The following CAMTA1 variants were observed in gnomAD, a reference collection of about 807,000 sequenced individuals.
The protein encoded by CAMTA1 is calmodulin binding transcription activator 1.
In CAMTA1, 27 loss-of-function variants were observed where a neutral mutation model predicts 170.9. That is an observed-to-expected ratio of 0.16 (90% confidence interval 0.12 to 0.22). CAMTA1 has a LOEUF of 0.22. CAMTA1 is among the 10% of genes least tolerant of loss of function. The pLI is 1.00. For synonymous variants in CAMTA1, 833 were observed against 891.5 expected, an observed-to-expected ratio of 0.93 and a Z score of 1.17; for missense variants, 1,619 against 2,217.2, an observed-to-expected ratio of 0.73 and a Z score of 5.42.
At chr1:7,002,984 A>G (rs1348215001) in intron 3 of CAMTA1, among the ~76,000 whole-genome samples, 5 of 151,896 alleles carry the variant, frequency 3.3e-5, no homozygotes, top group African/African-American at 4.9e-5. Context: ...GGTAAAGAGC[A>G]TGGTAAATTG....
intron 5 of CAMTA1, among the ~76,000 whole-genome samples, chr1:7,276,303 A>ATATATTTTTTTTTT: frequency 1.2e-4 from 3 of 24,230 alleles, no homozygotes; most frequent in East Asian, 1.5e-3. Context: ...ATATATATAT[A>ATATATTTTTTTTTT]TTTTTTTTTT....
chr1:7,530,822 T>TTG (rs1353959377), intron 6 of CAMTA1, among the ~76,000 whole-genome samples: 2 of 147,584 alleles, frequency 1.4e-5, no homozygotes, highest in Non-Finnish European at 3.0e-5. Context: ...GTTTTTTTTT[T>TTG]TTTTTTTTTT....
chr1:7,630,079 T>C (rs2095658764), intron 6 of CAMTA1, among the ~76,000 whole-genome samples: 1 of 152,240 alleles, frequency 6.6e-6, no homozygotes, highest in Non-Finnish European at 1.5e-5. Context: ...CCGGGTCATT[T>C]ATAATGATTT....
chr1:7,709,243 A>C (rs1278923352), intron 11 of CAMTA1, among the ~76,000 whole-genome samples: 1 of 152,190 alleles, frequency 6.6e-6, no homozygotes, highest in Non-Finnish European at 1.5e-5. Context: ...TGTATCTTCT[A>C]CTATGCCTAG....
Position 7,232,420 on chromosome 1 carries a change from T to G in CAMTA1, c.303-17071T>G, listed in dbSNP as rs539788642. ...ATTTACGTCCGAGTGCGTTTTTATG[T>G]TTTGCACCAAAGGTTTTAAACAGTT... is the stretch of plus-strand genomic sequence containing the variant. On this transcript the variant is annotated intron_variant, in intron 4 of 22. Transcript: ENST00000303635. 5.3e-4 allele frequency among the ~76,000 whole-genome samples: 81 copies of G among 152,368 alleles called. 3 individuals carry two copies. The South Asian group carries it at 0.017, about 31-fold the overall frequency.
In CAMTA1 at chr1:7,689,225, C is replaced by A. The variant is rs1186676033; in HGVS notation, c.2914+11492C>A. Among the ~76,000 whole-genome samples, 3 of 140,738 alleles carry A rather than the reference C, an allele frequency of 2.1e-5. No homozygotes were observed. The East Asian group carries it at 6.5e-4, about 30-fold the overall frequency. 92.3% of individuals were successfully genotyped at this position (140,738 alleles called of 152,430 possible). On this transcript the variant is annotated intron_variant, in intron 11 of 22. Coordinates refer to ENST00000303635, the MANE Select transcript of CAMTA1 (RefSeq NM_015215.4). ...GAGGTTGCAATGAGCCAAGACCACA[C>A]CATTGCACTCCAACCTGGATGACAA... is the stretch of plus-strand genomic sequence containing the variant.
At position 7,634,371 on chromosome 1, in the gene CAMTA1, C is replaced by G. The variant is rs2095694444; in HGVS notation, c.511-6029C>G. On this transcript the variant is annotated intron_variant, in intron 6 of 22. Transcript: ENST00000303635. The surrounding 1 kb of genome is among the most constrained non-coding windows in gnomAD (Gnocchi z 6.2). ...TCCAGACCTGGGCAGCTGTGGGAAG[C>G]CTGGAGGGGCCAAGGGTGCTGAGCA... is the stretch of plus-strand genomic sequence containing the variant. Among the ~76,000 whole-genome samples the G allele has an allele frequency of 6.6e-6, 1 of 151,950 alleles. No individual in the cohort carries two copies. The highest frequency in any genetic ancestry group is 2.1e-4 in the South Asian group (1 of 4,820).
chr1:7,661,592 A>AT, intron 7 of CAMTA1, 134 bp from the exon 8 acceptor site: 7 of 1,003,062 alleles, frequency 7.0e-6, no homozygotes, highest in Non-Finnish European at 1.0e-5. Context: ...CTACTCATCA[A>AT]TTCGCCCCAG....
chr1:7,346,603 A>G (rs184801710), intron 5 of CAMTA1, among the ~76,000 whole-genome samples: 1 of 152,334 alleles, frequency 6.6e-6, no homozygotes, highest in East Asian at 1.9e-4. Flanking sequence ...TTGAAAATCA[A>G]AAGTATTTTT....
intron 5 of CAMTA1, among the ~76,000 whole-genome samples, chr1:7,408,681 G>A (rs2090478228): frequency 6.6e-6 from 1 of 152,242 alleles, no homozygotes; most frequent in Admixed American, 6.5e-5. Context: ...TCTGGGCACT[G>A]CCATCTACAG....
intron 6 of CAMTA1, among the ~76,000 whole-genome samples, chr1:7,578,908 A>G (rs548477072): frequency 6.6e-6 from 1 of 152,294 alleles, no homozygotes; most frequent in Admixed American, 6.5e-5. Context: ...TTTCTAACAC[A>G]TGAGCTTTAG....
intron 5 of CAMTA1, among the ~76,000 whole-genome samples, chr1:7,384,462 T>A (rs1050190416): frequency 6.6e-6 from 1 of 152,200 alleles, no homozygotes; most frequent in Non-Finnish European, 1.5e-5. Context: ...TGATGATTGA[T>A]ATGAGTCGAT....
intron 6 of CAMTA1, among the ~76,000 whole-genome samples, chr1:7,627,666 A>G (rs1047569797): frequency 2.6e-5 from 4 of 152,058 alleles, no homozygotes; most frequent in African/African-American, 9.7e-5. Context: ...TGGAGCACAC[A>G]CTCTCTACCA....
chr1:7,256,484 C>T (rs923540037), intron 5 of CAMTA1, among the ~76,000 whole-genome samples: 1 of 152,170 alleles, frequency 6.6e-6, no homozygotes, highest in South Asian at 2.1e-4. Context: ...GGCGTGAACC[C>T]GGGAGGCGCA....
intron 11 of CAMTA1, among the ~76,000 whole-genome samples, chr1:7,697,568 G>C (rs2096389722): frequency 6.6e-6 from 1 of 152,178 alleles, no homozygotes; most frequent in Non-Finnish European, 1.5e-5. Context: ...GGGGAGAATA[G>C]CTGTGTATTT....
At chr1:7,364,662 G>A (rs1361646133) in intron 5 of CAMTA1, among the ~76,000 whole-genome samples, 1 of 152,194 alleles carries the variant, frequency 6.6e-6, no homozygotes, top group African/African-American at 2.4e-5. Flanking sequence ...TCCCTGAGGA[G>A]GGGATGTCGA....
At chr1:7,019,937 G>A (rs992544545) in intron 3 of CAMTA1, among the ~76,000 whole-genome samples, 2 of 152,252 alleles carry the variant, frequency 1.3e-5, no homozygotes, top group Non-Finnish European at 2.9e-5. Context: ...CATGTGTGGT[G>A]TTTGTGATTC....
At chr1:7,394,295 T>C (rs938560079) in intron 5 of CAMTA1, among the ~76,000 whole-genome samples, 6 of 152,236 alleles carry the variant, frequency 3.9e-5, no homozygotes, top group Non-Finnish European at 8.8e-5. Context: ...TGTACTAATT[T>C]ACATTCCTAC....
intron 4 of CAMTA1, among the ~76,000 whole-genome samples, chr1:7,126,808 T>C (rs988079981): frequency 6.6e-6 from 1 of 152,166 alleles, no homozygotes; most frequent in Non-Finnish European, 1.5e-5. Flanking sequence ...TCTCGCTCTG[T>C]CACCCAGGCT....
Sources: gnomAD v4.1 joint callset for allele counts (sites outside exome capture counted in the v4.1 genomes callset) on GRCh38, gnomAD v4.1.1 for gene constraint, Gnocchi (gnomAD v3.1) non-coding constraint, MANE v1.5 for transcripts, NCBI Gene and HGNC (gene_info 2026-07-23, HGNC 2026-07-21) for gene names.